CAMTA1: variants seen among roughly 807,000 people sequenced by gnomAD.
CAMTA1 encodes the protein calmodulin binding transcription activator 1.
CAMTA1 carries 27 observed loss-of-function variants against 170.9 expected under a neutral mutation model. The ratio of observed to expected loss-of-function variants is 0.16; its 90% confidence interval spans 0.12 to 0.22. The LOEUF is 0.22. Among genes scored for constraint, CAMTA1 ranks in the 10% least tolerant of loss-of-function variants. CAMTA1 has a pLI of 1.00. For synonymous variants in CAMTA1, 833 were observed against 891.5 expected (o/e 0.93, Z 1.17); for missense variants, 1,619 against 2,217.2 (o/e 0.73, Z 5.42).
At chr1:6,998,039 T>C (rs1697595959) in intron 3 of CAMTA1, among the ~76,000 whole-genome samples, 1 of 152,104 alleles carries the variant, frequency 6.6e-6, no homozygotes, top group South Asian at 2.1e-4. Flanking sequence ...GTTGTGATCT[T>C]AACCTCACTA....
At chr1:7,188,013 A>C (rs1188784144) in intron 4 of CAMTA1, among the ~76,000 whole-genome samples, 1 of 152,216 alleles carries the variant, frequency 6.6e-6, no homozygotes, top group East Asian at 1.9e-4. Flanking sequence ...GGAAACTTAC[A>C]ATCATGGTGG....
rs555854662 is a variant in CAMTA1 at position 7,642,170 on chromosome 1, G to C, written c.664+1617G>C. Among the ~76,000 whole-genome samples, 4 of 152,184 alleles carry C rather than the reference G, an allele frequency of 2.6e-5. No homozygotes were observed. The highest frequency in any genetic ancestry group is 5.9e-5 in the Non-Finnish European group (4 of 68,020). ...CTCCTCGAGCCCCCACGGGGGAGATGTCAGCTTCCCGCGCTTCATCAGGAG... is the reference window on the plus strand; with the variant it reads ...CTCCTCGAGCCCCCACGGGGGAGATCTCAGCTTCCCGCGCTTCATCAGGAG... On this transcript the variant is annotated intron_variant, in intron 7 of 22. Transcript: ENST00000303635. This position sits in a 1 kb window ranked among gnomAD's most constrained non-coding sequence, Gnocchi z 6.3.
In CAMTA1 at chr1:7,248,681, A is replaced by G. The variant is rs1473983743; in HGVS notation, c.303-810A>G. 6.6e-6 allele frequency among the ~76,000 whole-genome samples: 1 copy of G among 152,002 alleles called. No individual in the cohort carries two copies. Among genetic ancestry groups the G allele is most frequent in the African/African-American group, 2.4e-5 (1 of 41,378 alleles). On this transcript the variant is annotated intron_variant, in intron 4 of 22. Transcript: ENST00000303635. The surrounding 1 kb of genome is among the most constrained non-coding windows in gnomAD (Gnocchi z 4.0). ...TGACCTGACCACCGCATCTGCAGAT[A>G]TGCACGTCATCAGCCTCTCCTCTCT...
chr1:7,195,197 G>C lies in CAMTA1; in HGVS notation c.303-54294G>C, dbSNP rs1655287710. Among the ~76,000 whole-genome samples, 1 of 152,202 alleles carries C rather than the reference G, an allele frequency of 6.6e-6. No individual in the cohort carries two copies. Among genetic ancestry groups the C allele is most frequent in the Non-Finnish European group, 1.5e-5 (1 of 68,032 alleles). ...AAGAGAAGGGCTGGGCAGCTTGATG[G>C]ACATTTGTGCCGTCCACCTTGCAGG... On this transcript the variant is annotated intron_variant, in intron 4 of 22. Transcript: ENST00000303635. The surrounding 1 kb of genome is among the most constrained non-coding windows in gnomAD (Gnocchi z 4.1).
chr1:7,530,071 T>C (rs938369194), intron 6 of CAMTA1, among the ~76,000 whole-genome samples: 2 of 152,126 alleles, frequency 1.3e-5, no homozygotes, highest in African/African-American at 4.8e-5. Context: ...GGAGGGCTCG[T>C]CAGCTCCACC....
At chr1:7,474,085 G>C (rs1375932191) in intron 6 of CAMTA1, among the ~76,000 whole-genome samples, 2 of 152,246 alleles carry the variant, frequency 1.3e-5, no homozygotes, top group Non-Finnish European at 2.9e-5. Flanking sequence ...TCTGTGTGGG[G>C]TGGGGTTTAG....
Position 6,980,041 on chromosome 1 carries a change from T to A in CAMTA1, c.235-111263T>A, listed in dbSNP as rs1366385542. 9.9e-5 allele frequency among the ~76,000 whole-genome samples: 15 copies of A among 152,262 alleles called. No homozygotes were observed. In the East Asian group the frequency reaches 2.9e-3, roughly 29 times the overall value. The stretch of plus-strand genomic sequence containing the variant: ...CTCTGTTATTCAAGTCCTTAAAATC[T>A]CACTATTGAGACCTTACCCCCATGA... On this transcript the variant is annotated intron_variant, in intron 3 of 22. Coordinates refer to ENST00000303635, the MANE Select transcript of CAMTA1 (RefSeq NM_015215.4).
At chr1:7,677,054 G>T (rs2096128641) in intron 10 of CAMTA1, among the ~76,000 whole-genome samples, 1 of 152,170 alleles carries the variant, frequency 6.6e-6, no homozygotes, top group Non-Finnish European at 1.5e-5. Context: ...CACTGGGGCT[G>T]AGCTGGGGCC....
At chr1:7,546,567 A>G (rs2094695903) in intron 6 of CAMTA1, among the ~76,000 whole-genome samples, 1 of 152,162 alleles carries the variant, frequency 6.6e-6, no homozygotes, top group Non-Finnish European at 1.5e-5. Flanking sequence ...TAGATCTTTG[A>G]AGAATTGCCC....
chr1:6,954,033 A>T lies in CAMTA1; in HGVS notation c.234+128823A>T, dbSNP rs144623652. Among the ~76,000 whole-genome samples, 26 of 152,282 alleles carry T rather than the reference A, an allele frequency of 1.7e-4. No individual in the cohort carries two copies. In the East Asian group the frequency reaches 4.6e-3, roughly 27 times the overall value. On this transcript the variant is annotated intron_variant, in intron 3 of 22. Transcript: ENST00000303635. ...ACGCTCAGGCCCCTGCCTGGGAAGGATGCCTGCGTGGCTTGAACCCTGACC... is the reference window on the plus strand; with the variant it reads ...ACGCTCAGGCCCCTGCCTGGGAAGGTTGCCTGCGTGGCTTGAACCCTGACC...
intron 3 of CAMTA1, among the ~76,000 whole-genome samples, chr1:6,915,709 C>A (rs1230306431): frequency 1.6e-4 from 24 of 152,216 alleles, no homozygotes; most frequent in Admixed American, 1.4e-3. Flanking sequence ...TGGTTTCCAG[C>A]CCTGTCAGCC....
Position 7,497,266 on chromosome 1 carries a change from C to A in CAMTA1, c.510+29365C>A, listed in dbSNP as rs193128935. 4.0e-3 allele frequency among the ~76,000 whole-genome samples: 613 copies of A among 152,264 alleles called. 16 individuals carry two copies. The highest frequency in any genetic ancestry group is 0.036 in the Admixed American group (549 of 15,292). ...TGGCTGGTCACAGACACTGCGCTGT[C>A]CCTGAGGAGGCCTGGAGCTAGAAGC... On this transcript the variant is annotated intron_variant, in intron 6 of 22. Transcript: ENST00000303635.
At chr1:7,276,526 G>T (rs1390728639) in intron 5 of CAMTA1, among the ~76,000 whole-genome samples, 1 of 151,358 alleles carries the variant, frequency 6.6e-6, no homozygotes, top group Non-Finnish European at 1.5e-5. Context: ...AGCCAGGATG[G>T]TCTCAATCTC....
chr1:6,982,847 T>C (rs943455463), intron 3 of CAMTA1, among the ~76,000 whole-genome samples: 2 of 152,120 alleles, frequency 1.3e-5, no homozygotes, highest in Non-Finnish European at 2.9e-5. Flanking sequence ...CGATCCTGCC[T>C]CAGTGGCCCA....
At chr1:6,899,550 GCGCGCA>G (rs757793379) in intron 3 of CAMTA1, among the ~76,000 whole-genome samples, 17 of 85,200 alleles carry the variant, frequency 2.0e-4, no homozygotes, top group Non-Finnish European at 3.3e-4. Flanking sequence ...GCGCACGCGC[GCGCGCA>G]CACACACACA....
intron 22 of CAMTA1, among the ~76,000 whole-genome samples, chr1:7,764,327 T>G (rs2097000834): frequency 6.6e-6 from 1 of 152,248 alleles, no homozygotes; most frequent in Non-Finnish European, 1.5e-5. Context: ...TGTTTGTCAC[T>G]GTCATTTATA....
chr1:7,498,643 T>C (rs1206106979), intron 6 of CAMTA1, among the ~76,000 whole-genome samples: 4 of 151,308 alleles, frequency 2.6e-5, no homozygotes, highest in Non-Finnish European at 5.9e-5. Context: ...TGTGCATGCA[T>C]GTGAATGTAT....
rs535413978 is a variant in CAMTA1, at chr1:6,954,652, G to T, written c.234+129442G>T. ...TCAGAGGTTAAGGCTCTTGCTCAAG[G>T]CCACACAGGAGACAGGCTCTGAGCT... On this transcript the variant is annotated intron_variant, in intron 3 of 22. Coordinates refer to ENST00000303635, the MANE Select transcript of CAMTA1 (RefSeq NM_015215.4). 5.4e-4 allele frequency among the ~76,000 whole-genome samples: 83 copies of T among 152,296 alleles called. 4 individuals are homozygous for T. The South Asian group carries it at 0.016, about 30-fold the overall frequency.
chr1:6,786,134 C>T (rs536497812), intron 1 of CAMTA1, among the ~76,000 whole-genome samples: 22 of 152,054 alleles, frequency 1.4e-4, no homozygotes, highest in South Asian at 8.3e-4. Context: ...CCGGCACCCT[C>T]TTCAGCCCCG....
Sources: gnomAD v4.1 joint callset for allele counts (sites outside exome capture counted in the v4.1 genomes callset) on GRCh38, gnomAD v4.1.1 for gene constraint, Gnocchi (gnomAD v3.1) non-coding constraint, MANE v1.5 for transcripts, NCBI Gene and HGNC (gene_info 2026-07-23, HGNC 2026-07-21) for gene names.